Variants in ARL15 observed in about 807,000 individuals in gnomAD.
ARL15 encodes ARF like GTPase 15, also known as ADP-ribosylation factor-like protein 15.
ARL15 carries 19 observed loss-of-function variants against 25.2 expected under a neutral mutation model. The ratio of observed to expected loss-of-function variants is 0.75; its 90% CI spans 0.53 to 1.10. The LOEUF (loss-of-function observed/expected upper bound fraction) is 1.10, where lower values mean the gene tolerates loss of function less well. Among genes scored for constraint, ARL15 ranks in the 50% least tolerant of loss-of-function variants. The pLI, the probability that ARL15 is intolerant of heterozygous loss-of-function variation, is 0.00. For missense variants in ARL15, 220 were observed against 246.0 expected (o/e 0.89, Z 0.71); for synonymous variants, 94 against 86.8 (o/e 1.08, Z -0.46).
At chr5:54,071,798 C>T (rs1046145866) in intron 4 of ARL15, among the ~76,000 whole-genome samples, 5 of 151,588 alleles carry the variant, frequency 3.3e-5, no homozygotes, top group East Asian at 3.9e-4. Flanking sequence ...GGTGAAACCC[C>T]GTCTCTACTA....
At chr5:54,171,741 G>A (rs1754723904) in intron 2 of ARL15, 43 bp downstream of exon 2, 1 of 1,568,846 alleles carries the variant, frequency 6.4e-7, no homozygotes. Context: ...GGACATCTTG[G>A]GATGAGAAAG....
At chr5:54,136,391 A>C (rs1753603771) in intron 3 of ARL15, among the ~76,000 whole-genome samples, 1 of 152,238 alleles carries the variant, frequency 6.6e-6, no homozygotes, top group Non-Finnish European at 1.5e-5. Context: ...GTAAAATACA[A>C]GCAAGTCAAT....
intron 1 of ARL15, among the ~76,000 whole-genome samples, chr5:54,172,471 T>A (rs1429474685): frequency 6.6e-6 from 1 of 152,112 alleles, no homozygotes; most frequent in Non-Finnish European, 1.5e-5. Context: ...GAACACTGAA[T>A]ATAGACTGCA....
intron 4 of ARL15, among the ~76,000 whole-genome samples, chr5:53,965,701 G>A: frequency 6.6e-6 from 1 of 151,446 alleles, no homozygotes; most frequent in African/African-American, 2.4e-5. Context: ...TCATGCTGCT[G>A]CCAGTGGACT....
chr5:54,245,870 G>A (rs1235905677), intron 1 of ARL15, among the ~76,000 whole-genome samples: 15 of 152,238 alleles, frequency 9.9e-5, no homozygotes, highest in South Asian at 2.1e-4. Context: ...TTACGGGCAC[G>A]AGCCACTGTG....
chr5:53,897,601 G>T (rs868655032), intron 4 of ARL15, among the ~76,000 whole-genome samples: 51 of 152,168 alleles, frequency 3.4e-4, no homozygotes, highest in African/African-American at 1.1e-3. Flanking sequence ...TGGAATTCCT[G>T]GGTCATGTGT....
Position 54,266,355 on chromosome 5 carries a change from A to C in ARL15, c.48+44077T>G, listed in dbSNP as rs10053759. Among the ~76,000 whole-genome samples, 1,160 of 152,308 alleles carry C rather than the reference A, an allele frequency of 7.6e-3. 17 individuals are homozygous for C. The highest frequency in any genetic ancestry group is 0.027 in the African/African-American group (1,110 of 41,568). On this transcript the variant is annotated intron_variant, in intron 1 of 4. Transcript: ENST00000504924. ...TGTAGGCAAAGTAGCAGAAAATGTC[A>C]GTTTGTTGAGAAAGAAGCAGATGTG...
At chr5:54,274,970 C>A (rs1290796113) in intron 1 of ARL15, among the ~76,000 whole-genome samples, 1 of 152,292 alleles carries the variant, frequency 6.6e-6, no homozygotes, top group East Asian at 1.9e-4. Context: ...AGAAATAAAA[C>A]TGCCAGGAAC....
At position 54,001,011 on chromosome 5, in the gene ARL15, G is replaced by C. The variant is rs191916697; in HGVS notation, c.462+112191C>G. On this transcript the variant is annotated intron_variant, in intron 4 of 4. Transcript: ENST00000504924. ...TGAAATTCTTAATAATTTTATCTCT[G>C]AATTTGTGTTTTGTAAGTGAAGTCG... 4.6e-5 allele frequency among the ~76,000 whole-genome samples: 7 copies of C among 152,250 alleles called. No individual in the cohort carries two copies. The East Asian group carries it at 1.4e-3, about 29-fold the overall frequency.
chr5:54,159,631 C>A (rs2112363523), intron 2 of ARL15, among the ~76,000 whole-genome samples: 1 of 152,314 alleles, frequency 6.6e-6, no homozygotes, highest in South Asian at 2.1e-4. Flanking sequence ...TCCCCAGGCT[C>A]CATTCAAACA....
At chr5:54,205,173 G>A (rs993260897) in intron 1 of ARL15, among the ~76,000 whole-genome samples, 27 of 152,010 alleles carry the variant, frequency 1.8e-4, no homozygotes, top group African/African-American at 6.0e-4. Context: ...CATGAAGAGC[G>A]CTCACTTTGG....
intron 3 of ARL15, among the ~76,000 whole-genome samples, chr5:54,125,078 TTGTTTTG>T (rs1228685988): frequency 6.7e-6 from 1 of 150,118 alleles, no homozygotes; most frequent in Non-Finnish European, 1.5e-5. Context: ...TTGTTTTGTT[TTGTTTTG>T]TTTTTTTTTT....
intron 4 of ARL15, among the ~76,000 whole-genome samples, chr5:53,897,514 T>C (rs12522601): frequency 0.26 from 39,577 of 152,164 alleles, 5,449 homozygotes; most frequent in Middle Eastern, 0.42. Context: ...TTTTTGGCTA[T>C]TATAAATAAT....
intron 1 of ARL15, among the ~76,000 whole-genome samples, chr5:54,300,357 A>G (rs915457614): frequency 1.3e-5 from 2 of 152,202 alleles, no homozygotes; most frequent in African/African-American, 2.4e-5. Context: ...ACATGAAGAG[A>G]GATGCCCCAG....
chr5:54,008,001 C>T (rs1002994916), intron 4 of ARL15, among the ~76,000 whole-genome samples: 11 of 152,102 alleles, frequency 7.2e-5, no homozygotes, highest in Non-Finnish European at 1.5e-4. Context: ...ATGCACAGAC[C>T]GGCTCCTGCT....
At chr5:54,144,543 T>C (rs1220302707) in intron 3 of ARL15, among the ~76,000 whole-genome samples, 1 of 152,240 alleles carries the variant, frequency 6.6e-6, no homozygotes, top group African/African-American at 2.4e-5. Flanking sequence ...GATCACTCTA[T>C]TACCTCTAGG....
At chr5:54,103,429 T>C (rs1362298100) in intron 4 of ARL15, among the ~76,000 whole-genome samples, 25 of 152,144 alleles carry the variant, frequency 1.6e-4, no homozygotes. Flanking sequence ...TTTCATGGTA[T>C]CAATCCTCGA....
At chr5:54,253,222 A>G (rs1470851497) in intron 1 of ARL15, among the ~76,000 whole-genome samples, 1 of 152,112 alleles carries the variant, frequency 6.6e-6, no homozygotes, top group African/African-American at 2.4e-5. Flanking sequence ...TGGCTTCAAG[A>G]GGTAATTATT....
intron 4 of ARL15, among the ~76,000 whole-genome samples, chr5:54,055,549 C>T (rs944227430): frequency 1.3e-5 from 2 of 151,728 alleles, no homozygotes; most frequent in Admixed American, 6.6e-5. Flanking sequence ...TTAGTAGAGA[C>T]GAGGTTTCAC....
Sources: gnomAD v4.1 joint callset for allele counts (sites outside exome capture counted in the v4.1 genomes callset) on GRCh38, gnomAD v4.1.1 for gene constraint, MANE v1.5 for transcripts, NCBI Gene and HGNC (gene_info 2026-07-23, HGNC 2026-07-21) for gene names.